The following SYNPR variants were observed in gnomAD, a reference collection of about 807,000 sequenced individuals.
SYNPR encodes synaptoporin.
SYNPR carries 23 observed loss-of-function variants against 32.9 expected under a neutral mutation model. That is an observed-to-expected ratio of 0.70 (90% CI 0.50 to 0.99). The LOEUF is 0.99. Ranked by LOEUF, SYNPR falls within the 50% of genes least tolerant of loss-of-function variation. The pLI is 0.00. For synonymous variants in SYNPR, 146 were observed against 135.9 expected (o/e 1.07, Z -0.52); for missense variants, 318 against 349.3 (o/e 0.91, Z 0.71).
chr3:63,485,251 A>G (rs763535498), intron 3 of SYNPR, among the ~76,000 whole-genome samples: 1 of 152,144 alleles, frequency 6.6e-6, no homozygotes, highest in Non-Finnish European at 1.5e-5. Context: ...GAAAGACACC[A>G]AAAGGAGAAG....
intron 3 of SYNPR, among the ~76,000 whole-genome samples, chr3:63,486,680 AT>A (rs574545400): frequency 3.3e-5 from 5 of 152,186 alleles, no homozygotes; most frequent in Non-Finnish European, 5.9e-5. Flanking sequence ...TGATTGATCA[AT>A]CGATAGAGTA....
chr3:63,614,616 A>G (rs1368120113), intron 5 of SYNPR, among the ~76,000 whole-genome samples: 1 of 152,250 alleles, frequency 6.6e-6, no homozygotes, highest in Non-Finnish European at 1.5e-5. Context: ...GCTATCATGC[A>G]TATGCTTATT....
chr3:63,271,894 T>G (rs1339042705), intron 3 of SYNPR, among the ~76,000 whole-genome samples: 1 of 152,156 alleles, frequency 6.6e-6, no homozygotes, highest in African/African-American at 2.4e-5. Flanking sequence ...ATGTTTTGAA[T>G]GACCAAATAT....
At chr3:63,541,122 C>T (rs1054555476) in intron 3 of SYNPR, among the ~76,000 whole-genome samples, 1 of 151,512 alleles carries the variant, frequency 6.6e-6, no homozygotes, top group African/African-American at 2.4e-5. Flanking sequence ...TGGTAAGTTG[C>T]GAATGTCAGA....
chr3:63,224,430 G>C (rs143162268), upstream of SYNPR, among the ~76,000 whole-genome samples: 280 of 152,260 alleles, frequency 1.8e-3, 1 homozygote, highest in South Asian at 0.018. Context: ...GGGGACCACT[G>C]TGATAGAAGA....
intron 1 of SYNPR, among the ~76,000 whole-genome samples, chr3:63,243,344 A>G (rs1262377355): frequency 6.6e-6 from 1 of 152,082 alleles, no homozygotes; most frequent in East Asian, 1.9e-4. Flanking sequence ...ATATTTCTAC[A>G]AAAGAATGAT....
At chr3:63,276,353 G>A (rs1401450679), upstream of SYNPR, among the ~76,000 whole-genome samples, 2 of 152,148 alleles carry the variant, frequency 1.3e-5, no homozygotes, top group Non-Finnish European at 2.9e-5. Flanking sequence ...CCTCTGATAT[G>A]GACCTCTGAG....
At chr3:63,240,199 G>A (rs1314749766) in intron 1 of SYNPR, among the ~76,000 whole-genome samples, 2 of 150,492 alleles carry the variant, frequency 1.3e-5, no homozygotes, top group Non-Finnish European at 2.9e-5. Context: ...CAGAAACAGA[G>A]AGTTCAAACT....
rs552601902 is a variant in SYNPR, at chr3:63,281,862, T to C, written c.84+3120T>C. On this transcript the variant is annotated intron_variant, in intron 2 of 5. Transcript: ENST00000478300. ...AAAATAATTAAAGTATGATTCATCA[T>C]GTTATGAAATATTATATTGCCATCA... Among the ~76,000 whole-genome samples, 21 of 152,326 alleles carry C rather than the reference T, an allele frequency of 1.4e-4. 1 individual carries two copies. In the Middle Eastern group the frequency reaches 0.01, roughly 74 times the overall value.
At chr3:63,401,103 A>G (rs963353333) in intron 2 of SYNPR, among the ~76,000 whole-genome samples, 2 of 152,144 alleles carry the variant, frequency 1.3e-5, no homozygotes, top group Non-Finnish European at 2.9e-5. Context: ...TTACAAAAAC[A>G]TCTTTGAGGC....
chr3:63,382,655 A>G (rs1453622497), intron 2 of SYNPR, among the ~76,000 whole-genome samples: 2 of 152,150 alleles, frequency 1.3e-5, no homozygotes, highest in Admixed American at 6.5e-5. Flanking sequence ...CACTGTGTCT[A>G]TTCATCGGTG....
At chr3:63,347,683 C>T (rs910771188) in intron 2 of SYNPR, among the ~76,000 whole-genome samples, 3 of 152,028 alleles carry the variant, frequency 2.0e-5, no homozygotes, top group Admixed American at 6.6e-5. Flanking sequence ...TTCTATGTCC[C>T]GGTGTACACA....
At chr3:63,459,084 A>G (rs530036614) in intron 2 of SYNPR, among the ~76,000 whole-genome samples, 5 of 151,850 alleles carry the variant, frequency 3.3e-5, no homozygotes, top group African/African-American at 9.7e-5. Context: ...CCCCCTCCCA[A>G]TTAATCTCAC....
At chr3:63,472,807 C>T (rs1700828573) in intron 2 of SYNPR, among the ~76,000 whole-genome samples, 1 of 152,090 alleles carries the variant, frequency 6.6e-6, no homozygotes, top group South Asian at 2.1e-4. Context: ...ACCTATTCTG[C>T]TTGCAAGACC....
At chr3:63,409,949 G>A (rs570484430) in intron 2 of SYNPR, among the ~76,000 whole-genome samples, 47 of 152,228 alleles carry the variant, frequency 3.1e-4, no homozygotes, top group Middle Eastern at 6.8e-3. Flanking sequence ...CCCCAACAGC[G>A]TTCCAGAGAG....
At chr3:63,597,405 GA>G (rs1333801358) in intron 4 of SYNPR, among the ~76,000 whole-genome samples, 1 of 152,170 alleles carries the variant, frequency 6.6e-6, no homozygotes, top group Non-Finnish European at 1.5e-5. Flanking sequence ...TTGCTTACTT[GA>G]AGGATCTGAG....
Position 63,427,262 on chromosome 3 carries a change from A to G in SYNPR, c.85-53570A>G, listed in dbSNP as rs1699909335. Among the ~76,000 whole-genome samples the G allele has an allele frequency of 3.3e-5, 5 of 150,822 alleles. No homozygotes were observed. The South Asian group carries it at 8.4e-4, about 25-fold the overall frequency. Reference sequence around the variant, plus strand: ...TTTGAAAGCCAACACTGAGCTATATATTGATATACAAGACAAACCATTTCT... The same window carrying G: ...TTTGAAAGCCAACACTGAGCTATATGTTGATATACAAGACAAACCATTTCT... On this transcript the variant is annotated intron_variant, in intron 2 of 5. Transcript: ENST00000478300.
At chr3:63,360,039 C>T (rs2087635869) in intron 2 of SYNPR, among the ~76,000 whole-genome samples, 1 of 152,178 alleles carries the variant, frequency 6.6e-6, no homozygotes, top group African/African-American at 2.4e-5. Flanking sequence ...TGCTTTTCTC[C>T]TGAAAATCTA....
At chr3:63,285,579 G>A (rs2086673220) in intron 2 of SYNPR, among the ~76,000 whole-genome samples, 2 of 152,160 alleles carry the variant, frequency 1.3e-5, no homozygotes, top group Non-Finnish European at 2.9e-5. Flanking sequence ...ATTGGAGTAT[G>A]AATCAATAAG....
Sources: gnomAD v4.1 joint callset for allele counts (sites outside exome capture counted in the v4.1 genomes callset) on GRCh38, gnomAD v4.1.1 for gene constraint, MANE v1.5 for transcripts, NCBI Gene and HGNC (gene_info 2026-07-23, HGNC 2026-07-21) for gene names.